SECISBP2: variants seen among roughly 807,000 people sequenced by gnomAD.
SECISBP2 encodes selenocysteine insertion sequence-binding protein 2.
In SECISBP2, 96 loss-of-function variants were observed where a neutral mutation model predicts 98.2. That is an observed-to-expected ratio of 0.98 (90% CI 0.83 to 1.16). SECISBP2 has a LOEUF of 1.16. Among genes scored for constraint, SECISBP2 ranks in the 50% most tolerant of loss-of-function variants. SECISBP2 has a pLI of 0.00. For missense variants in SECISBP2, 1,046 were observed against 1,022.9 expected (o/e 1.02, Z -0.31); for synonymous variants, 407 against 370.2 (o/e 1.10, Z -1.14).
At chr9:89,334,127 G>T (rs892021681) in intron 6 of SECISBP2, 2 of 1,138,942 alleles carry the variant, frequency 1.8e-6, no homozygotes, top group Admixed American at 9.5e-5. Flanking sequence ...AGTGATCTTT[G>T]ACTTCTGATG....
chr9:89,318,561 C>T lies in SECISBP2; in HGVS notation c.-16C>T, dbSNP rs879237198. On this transcript the variant is annotated 5_prime_UTR_variant, in exon 1 of 17. Coordinates refer to ENST00000375807, the MANE Select transcript of SECISBP2 (RefSeq NM_024077.5). ...CTGCTGGCCTCCGTGACGCGGCCTCCTCCGCGCCTCGCGGCATGGCGTCGG... is the reference window on the plus strand; with the variant it reads ...CTGCTGGCCTCCGTGACGCGGCCTCTTCCGCGCCTCGCGGCATGGCGTCGG... 2 of 1,505,958 alleles carry T rather than the reference C, an allele frequency of 1.3e-6. No homozygotes were observed. The highest frequency in any genetic ancestry group is 8.8e-7 in the Non-Finnish European group (1 of 1,133,054). The allele number at this position is 1,505,958 out of a possible 1,614,324, so 93.3% of individuals were successfully genotyped here.
At chr9:89,331,810 A>G (rs1827798300) in intron 5 of SECISBP2, among the ~76,000 whole-genome samples, 1 of 152,238 alleles carries the variant, frequency 6.6e-6, no homozygotes, top group Non-Finnish European at 1.5e-5. Flanking sequence ...AAAGCTTGTC[A>G]GTAGTATGTT....
rs771636918 is a variant in SECISBP2, at chr9:89,328,833, A to G, written c.748A>G (p.Thr250Ala). ...PKWGPVHSVS[T>A]DISLLREVVK... ...GTGGGGACCTGTCCACTCTGTCTCT[A>G]CCGACATTTCTCTTCTAAGAGAAGT... Residue 250 changes from threonine (T) to alanine (A), a missense_variant, in exon 5 of 17, where the codon ACC becomes GCC. By Grantham distance (58) the Thr-to-Ala change is moderately conservative. Coordinates refer to ENST00000375807, the MANE Select transcript of SECISBP2 (RefSeq NM_024077.5). 10 of 1,614,216 alleles carry G rather than the reference A, an allele frequency of 6.2e-6. No individual in the cohort carries two copies. The highest frequency in any genetic ancestry group is 1.1e-5 in the South Asian group (1 of 91,088).
intron 1 of SECISBP2, chr9:89,318,840 G>A (rs1825167367): frequency 2.4e-6 from 3 of 1,273,220 alleles, no homozygotes; most frequent in Non-Finnish European, 3.0e-6. Context: ...CCGCGTCTGT[G>A]GTGCGATGTC....
At chr9:89,345,819 T>C (rs1321515759) in intron 10 of SECISBP2, among the ~76,000 whole-genome samples, 2 of 152,152 alleles carry the variant, frequency 1.3e-5, no homozygotes, top group Non-Finnish European at 2.9e-5. Context: ...AGAAAAACAA[T>C]TGAGCCAGTC....
At position 89,341,558 on chromosome 9, in the gene SECISBP2, T is replaced by C. The variant is rs113802746; in HGVS notation, c.1435+79T>C. 5,481 of 1,525,956 alleles carry C rather than the reference T, an allele frequency of 3.6e-3. 153 individuals carry two copies. The African/African-American group carries it at 0.064, about 18-fold the overall frequency. 94.5% of individuals were successfully genotyped at this position (1,525,956 alleles called of 1,614,324 possible). On this transcript the variant is annotated intron_variant, in intron 10 of 16. Coordinates refer to ENST00000375807, the MANE Select transcript of SECISBP2 (RefSeq NM_024077.5). ...TTATTATGTTACCATTTTCTCTTGTTATCAAAAGTTATTTATAGATAAAAC... is the reference window on the plus strand; with the variant it reads ...TTATTATGTTACCATTTTCTCTTGTCATCAAAAGTTATTTATAGATAAAAC...
intron 10 of SECISBP2, among the ~76,000 whole-genome samples, chr9:89,342,702 G>C (rs1159889515): frequency 6.6e-6 from 1 of 152,112 alleles, no homozygotes; most frequent in African/African-American, 2.4e-5. Context: ...CCACCTAAAA[G>C]AAATATCTGG....
intron 2 of SECISBP2, among the ~76,000 whole-genome samples, chr9:89,320,558 C>CT (rs959813965): frequency 6.6e-5 from 10 of 152,090 alleles, no homozygotes; most frequent in Admixed American, 1.3e-4. Context: ...ATAGCTGCCT[C>CT]TGTGTGGATA....
chr9:89,336,599 G>A (rs1157611393), intron 7 of SECISBP2, among the ~76,000 whole-genome samples: 6 of 151,700 alleles, frequency 4.0e-5, no homozygotes, highest in African/African-American at 1.5e-4. Context: ...ACGTGTGCTT[G>A]TTCCTCATTG....
chr9:89,335,993 T>C (rs1405842659), intron 7 of SECISBP2, among the ~76,000 whole-genome samples: 1 of 151,926 alleles, frequency 6.6e-6, no homozygotes, highest in East Asian at 1.9e-4. Flanking sequence ...ATGTGGTACG[T>C]GTCACTAATT....
At chr9:89,341,522 T>C (rs139473295) in intron 10 of SECISBP2, 43 bp downstream of exon 10, 2 of 1,610,266 alleles carry the variant, frequency 1.2e-6, no homozygotes, top group East Asian at 2.2e-5. Context: ...TGGAAGTCTT[T>C]TTCAGCTAGA....
At chr9:89,366,307 T>C in the SECISBP2 span, among the ~76,000 whole-genome samples, 6 of 152,214 alleles carry the variant, frequency 3.9e-5, no homozygotes, top group Non-Finnish European at 5.9e-5. Flanking sequence ...AAATTTTTTC[T>C]TTATACTTCC....
At chr9:89,340,311 T>G (rs898979420) in intron 9 of SECISBP2, among the ~76,000 whole-genome samples, 3 of 152,140 alleles carry the variant, frequency 2.0e-5, no homozygotes, top group African/African-American at 4.8e-5. Context: ...AAGTCAGTAA[T>G]GTCTGACAGA....
chr9:89,345,259 A>G (rs1386090941), intron 10 of SECISBP2, among the ~76,000 whole-genome samples: 1 of 152,188 alleles, frequency 6.6e-6, no homozygotes, highest in African/African-American at 2.4e-5. Context: ...CCATGCTGCC[A>G]TGCCTTCCCC....
At chr9:89,337,263 G>C (rs1265363877) in intron 7 of SECISBP2, among the ~76,000 whole-genome samples, 1 of 152,242 alleles carries the variant, frequency 6.6e-6, no homozygotes, top group Non-Finnish European at 1.5e-5. Flanking sequence ...AAGAAAATCA[G>C]CATCTCCTGT....
chr9:89,347,145 C>T, intron 11 of SECISBP2, 97 bp downstream of exon 11: 1 of 1,216,796 alleles, frequency 8.2e-7, no homozygotes, highest in East Asian at 2.5e-5. Flanking sequence ...GATTTTACGA[C>T]TTGTATTACT....
rs199570622 is a variant in SECISBP2 at position 89,341,330 on chromosome 9, G to A, written c.1303-17G>A. On this transcript the variant is annotated splice_polypyrimidine_tract_variant and intron_variant, in intron 9 of 16. Coordinates refer to ENST00000375807, the MANE Select transcript of SECISBP2 (RefSeq NM_024077.5). ...TGTATAGTTTTATAAGTAAACTTACGAATTTTGAACTTTCAGGATAATTTT... is the reference window on the plus strand; with the variant it reads ...TGTATAGTTTTATAAGTAAACTTACAAATTTTGAACTTTCAGGATAATTTT... 22 of 1,609,934 alleles carry A rather than the reference G, an allele frequency of 1.4e-5. No homozygotes were observed. The highest frequency in any genetic ancestry group is 1.8e-5 in the Non-Finnish European group (21 of 1,176,946).
intron 9 of SECISBP2, 40 bp downstream of exon 9, chr9:89,339,993 A>T: frequency 7.2e-7 from 1 of 1,397,686 alleles, no homozygotes; most frequent in Non-Finnish European, 1.0e-6. Context: ...TTTAGGCTTA[A>T]CTCTTCTGGC....
downstream of SECISBP2, chr9:89,363,945 C>T (rs1376393353): frequency 6.2e-7 from 1 of 1,613,952 alleles, no homozygotes; most frequent in Non-Finnish European, 8.5e-7. Flanking sequence ...CGAATGTCTG[C>T]AGGACCTGGG....
Sources: allele counts gnomAD v4.1 joint callset (sites outside exome capture counted in the v4.1 genomes callset), GRCh38; gene constraint gnomAD v4.1.1; transcripts MANE v1.5; gene names NCBI Gene and HGNC (gene_info 2026-07-23, HGNC 2026-07-21).